Variants in ERC2 observed in about 807,000 individuals in gnomAD.
The protein encoded by ERC2 is ELKS/RAB6-interacting/CAST family member 2.
A neutral mutation model predicts 114.8 loss-of-function variants in ERC2; 42 were observed. The observed-to-expected ratio is 0.37, with a 90% CI of 0.29 to 0.47. The LOEUF is 0.47. Among genes scored for constraint, ERC2 ranks in the 20% least tolerant of loss-of-function variants. ERC2 has a pLI of 0.99. For missense variants in ERC2, 939 were observed against 1,150.7 expected (o/e 0.82, Z 2.66); for synonymous variants, 454 against 425.5 (o/e 1.07, Z -0.82).
intron 14 of ERC2, among the ~76,000 whole-genome samples, chr3:55,850,845 A>AACACACACAC (rs61573924): frequency 0.042 from 5,262 of 125,862 alleles, 215 homozygotes; most frequent in African/African-American, 0.068. Flanking sequence ...CTCTTTTTCA[A>AACACACACAC]ACACACACAC....
intron 17 of ERC2, among the ~76,000 whole-genome samples, chr3:55,574,598 C>A (rs1486815526): frequency 6.6e-6 from 1 of 152,142 alleles, no homozygotes; most frequent in Admixed American, 6.5e-5. Flanking sequence ...CTGTGCCTCT[C>A]TAAGGCTCTG....
chr3:55,848,692 A>G (rs2061459238), intron 14 of ERC2, among the ~76,000 whole-genome samples: 1 of 152,170 alleles, frequency 6.6e-6, no homozygotes. Flanking sequence ...CTAAGAAGCT[A>G]ATGCCTGATT....
intron 6 of ERC2, among the ~76,000 whole-genome samples, chr3:56,081,849 G>A (rs1201854071): frequency 6.6e-6 from 1 of 152,094 alleles, no homozygotes; most frequent in African/African-American, 2.4e-5. Flanking sequence ...ATTTTCTGTA[G>A]CATTTTTAAA....
intron 2 of ERC2, among the ~76,000 whole-genome samples, chr3:56,396,930 T>C (rs575120694): frequency 6.6e-6 from 1 of 152,194 alleles, no homozygotes; most frequent in African/African-American, 2.4e-5. Flanking sequence ...CAGCCCTTCC[T>C]TTCTCTACTC....
intron 2 of ERC2, among the ~76,000 whole-genome samples, chr3:56,325,163 G>A (rs2057301136): frequency 6.6e-6 from 1 of 151,896 alleles, no homozygotes. Context: ...CTATATACCC[G>A]GCTGGGTGCG....
chr3:56,114,745 A>C (rs2079136813), intron 6 of ERC2, among the ~76,000 whole-genome samples: 1 of 152,196 alleles, frequency 6.6e-6, no homozygotes, highest in Admixed American at 6.5e-5. Context: ...GATCGGACCT[A>C]ACCAACTCCA....
chr3:56,086,686 G>GA lies in ERC2; in HGVS notation c.1474-5703dup, dbSNP rs552574740. ...TTTAAATACAGGGAAGATAAGGCAA[G>GA]AAAAAATGCATTCTATTAAAAATTA... On this transcript the variant is annotated intron_variant, in intron 6 of 17. Coordinates refer to ENST00000288221, the MANE Select transcript of ERC2 (RefSeq NM_015576.3). 3.4e-4 allele frequency among the ~76,000 whole-genome samples: 52 copies of GA among 151,946 alleles called. 1 individual carries two copies. The South Asian group carries it at 0.01, about 30-fold the overall frequency.
intron 3 of ERC2, among the ~76,000 whole-genome samples, chr3:56,184,508 T>C (rs2083472298): frequency 6.6e-6 from 1 of 152,200 alleles, no homozygotes; most frequent in African/African-American, 2.4e-5. Context: ...ATCTAGTGCC[T>C]GATTTGCTCT....
At chr3:55,897,723 G>C (rs758893126) in intron 13 of ERC2, among the ~76,000 whole-genome samples, 3 of 152,144 alleles carry the variant, frequency 2.0e-5, no homozygotes, top group African/African-American at 4.8e-5. Context: ...GTTAAAACAA[G>C]GACTACTAAT....
intron 6 of ERC2, among the ~76,000 whole-genome samples, chr3:56,106,099 T>A (rs1324616835): frequency 6.6e-6 from 1 of 152,220 alleles, no homozygotes; most frequent in African/African-American, 2.4e-5. Context: ...AGATCCAAAC[T>A]GTATACTAAT....
chr3:55,516,255 A>G (rs80337815), intron 17 of ERC2, among the ~76,000 whole-genome samples: 1 of 151,986 alleles, frequency 6.6e-6, no homozygotes, highest in Non-Finnish European at 1.5e-5. Context: ...AAAAAAAAAA[A>G]ACAAACAAAA....
intron 14 of ERC2, among the ~76,000 whole-genome samples, chr3:55,823,439 T>C (rs72877147): frequency 0.047 from 7,090 of 152,220 alleles, 195 homozygotes; most frequent in African/African-American, 0.075. Context: ...CTGGTAAACA[T>C]CTTAGGCATG....
intron 14 of ERC2, among the ~76,000 whole-genome samples, chr3:55,814,433 C>T (rs1337873650): frequency 6.6e-6 from 1 of 152,162 alleles, no homozygotes; most frequent in Non-Finnish European, 1.5e-5. Flanking sequence ...GCTGCCAACT[C>T]GGAAGAGTTT....
chr3:55,598,419 A>T (rs1043638639), intron 17 of ERC2, among the ~76,000 whole-genome samples: 3 of 152,252 alleles, frequency 2.0e-5, no homozygotes, highest in African/African-American at 7.2e-5. Flanking sequence ...TGAAATGCTC[A>T]TAACATTAGT....
chr3:56,110,608 T>A (rs140078203), intron 6 of ERC2, among the ~76,000 whole-genome samples: 1,536 of 152,328 alleles, frequency 0.01, 22 homozygotes, highest in African/African-American at 0.034. Context: ...AAGAATTTTT[T>A]AAATTCTGTC....
intron 4 of ERC2, among the ~76,000 whole-genome samples, chr3:56,170,091 AAC>A (rs1161790703): frequency 3.9e-5 from 6 of 152,252 alleles, no homozygotes; most frequent in Non-Finnish European, 8.8e-5. Flanking sequence ...TTTTCCAAGA[AAC>A]ACACACAGTG....
chr3:56,113,144 A>G (rs1471656670), intron 6 of ERC2, among the ~76,000 whole-genome samples: 1 of 152,240 alleles, frequency 6.6e-6, no homozygotes, highest in Non-Finnish European at 1.5e-5. Context: ...GTGCTAATTT[A>G]TAAGAGATAT....
chr3:55,645,401 T>C (rs944072744), intron 17 of ERC2, among the ~76,000 whole-genome samples: 7 of 152,230 alleles, frequency 4.6e-5, no homozygotes, highest in Non-Finnish European at 8.8e-5. Flanking sequence ...CATAAGCCTC[T>C]AACATCCAAT....
intron 4 of ERC2, among the ~76,000 whole-genome samples, chr3:56,159,045 A>T (rs1184210037): frequency 6.6e-6 from 1 of 152,046 alleles, no homozygotes; most frequent in Non-Finnish European, 1.5e-5. Flanking sequence ...CACAATAGTG[A>T]GTGAATTCTC....
Sources: allele counts gnomAD v4.1 joint callset (sites outside exome capture counted in the v4.1 genomes callset), GRCh38; gene constraint gnomAD v4.1.1; transcripts MANE v1.5; gene names NCBI Gene and HGNC (gene_info 2026-07-23, HGNC 2026-07-21).